The following MIA2 variants were observed in gnomAD, a reference collection of about 807,000 sequenced individuals.
MIA2 encodes MIA SH3 domain ER export factor 2.
In MIA2, 127 loss-of-function variants were observed where a neutral mutation model predicts 167.8. The observed-to-expected ratio is 0.76, with a 90% CI of 0.66 to 0.88. MIA2 has a LOEUF of 0.88. Among genes scored for constraint, MIA2 ranks in the 40% least tolerant of loss-of-function variants. MIA2 has a pLI of 0.00. For synonymous variants in MIA2, 552 were observed against 541.9 expected, an observed-to-expected ratio of 1.02 and a Z score of -0.26; for missense variants, 1,690 against 1,624.7, an observed-to-expected ratio of 1.04 and a Z score of -0.69.
intron 25 of MIA2, among the ~76,000 whole-genome samples, chr14:39,332,235 C>G (rs990603861): frequency 6.6e-6 from 1 of 152,102 alleles, no homozygotes; most frequent in Non-Finnish European, 1.5e-5. Flanking sequence ...ATCAATTTGG[C>G]TATATTGATA....
intron 6 of MIA2, 132 bp from the exon 7 acceptor site, chr14:39,276,802 C>A: frequency 2.2e-6 from 2 of 891,278 alleles, no homozygotes; most frequent in Non-Finnish European, 3.4e-6. Context: ...AAAAAATGTA[C>A]TCTGATACTT....
rs186047077 is a variant in MIA2 at position 39,320,776 on chromosome 14, A to T, written c.3368-152A>T. 18 of 740,540 alleles carry T rather than the reference A, an allele frequency of 2.4e-5. No individual in the cohort carries two copies. The African/African-American group carries it at 2.6e-4, about 11-fold the overall frequency. The allele number at this position is 740,540 out of a possible 1,614,324, so 45.9% of individuals were successfully genotyped here. A position where few individuals can be genotyped will look rare whatever the true frequency, so the allele number is the denominator to read the frequency against. On this transcript the variant is annotated intron_variant, in intron 23 of 28. Coordinates refer to ENST00000640607, the MANE Select transcript of MIA2 (RefSeq NM_001329214.4). ...CAGGGTCTGTATTTAATTCTGTTCT[A>T]TATTAGCAAAATCAAAGGATACATT... is the stretch of plus-strand genomic sequence containing the variant.
intron 10 of MIA2, among the ~76,000 whole-genome samples, chr14:39,292,200 A>G (rs2060826718): frequency 6.6e-6 from 1 of 152,216 alleles, no homozygotes; most frequent in Non-Finnish European, 1.5e-5. Flanking sequence ...TATGTTTGAT[A>G]AAAAAATTTT....
rs560861829 is a variant in MIA2, at chr14:39,342,924, A to G, written c.3656-2980A>G. ...CTACTTGAATTCTTTCCATGTTAGT[A>G]TATAGAGAGTTTATCACCTTAATTG... On this transcript the variant is annotated intron_variant, in intron 25 of 28. Coordinates refer to ENST00000640607, the MANE Select transcript of MIA2 (RefSeq NM_001329214.4). Among the ~76,000 whole-genome samples the G allele has an allele frequency of 4.6e-5, 7 of 152,254 alleles. No homozygotes were observed. In the East Asian group the frequency reaches 1.2e-3, roughly 25 times the overall value.
intron 6 of MIA2, chr14:39,269,078 T>TTTTTTTTTC: frequency 2.2e-6 from 1 of 461,224 alleles, no homozygotes; most frequent in Non-Finnish European, 2.5e-6. Flanking sequence ...TGCACAGTTT[T>TTTTTTTTTC]TTTTTTTTTT....
At chr14:39,338,294 A>G (rs2070929159) in intron 25 of MIA2, among the ~76,000 whole-genome samples, 2 of 152,342 alleles carry the variant, frequency 1.3e-5, no homozygotes, top group South Asian at 4.1e-4. Flanking sequence ...AGACGTAAAC[A>G]TTGAGTAAAG....
At chr14:39,244,200 A>T (rs181010306) in intron 3 of MIA2, among the ~76,000 whole-genome samples, 6 of 152,388 alleles carry the variant, frequency 3.9e-5, no homozygotes, top group African/African-American at 1.4e-4. Context: ...TAATAATTTT[A>T]GATTATATGG....
In MIA2 at chr14:39,237,053, A is replaced by G; in HGVS notation, c.247A>G (p.Ser83Gly). The G allele has an allele frequency of 1.2e-6, 2 of 1,612,346 alleles. No individual in the cohort carries two copies. The highest frequency in any genetic ancestry group is 1.7e-6 in the Non-Finnish European group (2 of 1,179,582). Residue 83 changes from serine (S) to glycine (G), a missense_variant and splice_region_variant, in exon 2 of 29, where the codon AGT (serine) becomes GGT (glycine). Transcript: ENST00000640607. ...AGEREDLWAG[S>G]KGKEFGYFPR... ...AGAAAGGGAAGATTTGTGGGCAGGA[A>G]GTGTAAGTAACTACTTTTAAAAATT...
chr14:39,285,694 T>TG (rs1443491502), intron 9 of MIA2, among the ~76,000 whole-genome samples: 203 of 58,876 alleles, frequency 3.4e-3, no homozygotes, highest in South Asian at 7.3e-3. Context: ...TCGGGGTGGC[T>TG]GCCGGGCGGA....
At position 39,277,940 on chromosome 14, in the gene MIA2, A is replaced by G. The variant is rs970036708; in HGVS notation, c.2019+875A>G. 2.7e-5 allele frequency among the ~76,000 whole-genome samples: 4 copies of G among 150,880 alleles called. No individual in the cohort carries two copies. The South Asian group carries it at 6.3e-4, about 24-fold the overall frequency. ...TGAGTAGTTGGGACTACACAGGTCC[A>G]TGTCACTCTGCCCAGCTTCATCTTT... On this transcript the variant is annotated intron_variant, in intron 7 of 28. Transcript: ENST00000640607.
chr14:39,333,654 T>C (rs2069497436), intron 25 of MIA2, among the ~76,000 whole-genome samples: 1 of 152,174 alleles, frequency 6.6e-6, no homozygotes, highest in Non-Finnish European at 1.5e-5. Context: ...CCATACCCGG[T>C]TGTTACTCCT....
intron 23 of MIA2, chr14:39,386,747 A>C: frequency 1.5e-6 from 2 of 1,338,146 alleles, no homozygotes; most frequent in Non-Finnish European, 2.1e-6. Flanking sequence ...CAGTTTCTTC[A>C]TCCTCCTCTA....
intron 3 of MIA2, among the ~76,000 whole-genome samples, chr14:39,243,581 C>A (rs2054157902): frequency 6.6e-6 from 1 of 152,008 alleles, no homozygotes; most frequent in South Asian, 2.1e-4. Context: ...GAATGAAGAA[C>A]CAGGCTGGGG....
chr14:39,252,239 T>C (rs2054614197), intron 4 of MIA2, among the ~76,000 whole-genome samples: 1 of 152,136 alleles, frequency 6.6e-6, no homozygotes, highest in African/African-American at 2.4e-5. Context: ...ACCTTGCAGA[T>C]GTGATTAGGG....
chr14:39,302,162 T>A lies in MIA2; in HGVS notation c.2653T>A (p.Trp885Arg). ...TGAACGCTTGTTAAAGATGAAAGAT[T>A]GGGCTGCTATGCTTGGAGAAGACAT... is the stretch of plus-strand genomic sequence containing the variant. ...LTERLLKMKD[W>R]AAMLGEDITD... The change falls in exon 15 of 29, where the codon TGG becomes AGG. Residue 885 changes from tryptophan to arginine, a missense_variant. Transcript: ENST00000640607. The A allele has an allele frequency of 6.2e-7, 1 of 1,613,746 alleles. No individual in the cohort carries two copies. The highest frequency in any genetic ancestry group is 8.5e-7 in the Non-Finnish European group (1 of 1,179,764).
chr14:39,361,413 C>T (rs1595941593), intron 23 of MIA2, among the ~76,000 whole-genome samples: 1 of 146,232 alleles, frequency 6.8e-6, no homozygotes, highest in South Asian at 2.1e-4. Flanking sequence ...GGCTATTGCT[C>T]TGACTAGGAC....
chr14:39,380,643 A>AGT (rs2075137464), intron 23 of MIA2, among the ~76,000 whole-genome samples: 1 of 145,344 alleles, frequency 6.9e-6, no homozygotes, highest in Non-Finnish European at 1.5e-5. Context: ...CAGTGAGCTG[A>AGT]GATCGCACCA....
At chr14:39,264,273 G>A (rs1038802351) in intron 6 of MIA2, among the ~76,000 whole-genome samples, 3 of 152,222 alleles carry the variant, frequency 2.0e-5, no homozygotes, top group East Asian at 1.9e-4. Context: ...TGCAAAGAAT[G>A]TGACTTCATT....
At chr14:39,359,404 C>T (rs955861369) in intron 23 of MIA2, among the ~76,000 whole-genome samples, 18 of 152,150 alleles carry the variant, frequency 1.2e-4, no homozygotes, top group Non-Finnish European at 1.2e-4. Context: ...GTTGGAAAAA[C>T]GCAGTATTAG....
Sources: allele counts gnomAD v4.1 joint callset (sites outside exome capture counted in the v4.1 genomes callset), GRCh38; gene constraint gnomAD v4.1.1; transcripts MANE v1.5; gene names NCBI Gene and HGNC (gene_info 2026-07-23, HGNC 2026-07-21).